The following RORA variants were observed in gnomAD, a reference collection of about 807,000 sequenced individuals.
The protein encoded by RORA is RAR related orphan receptor A, also known as nuclear receptor ROR-alpha.
A neutral mutation model predicts 69.5 loss-of-function variants in RORA; 7 were observed. The ratio of observed to expected loss-of-function variants is 0.10; its 90% confidence interval spans 0.06 to 0.19. The LOEUF (loss-of-function observed/expected upper bound fraction) is 0.19, where lower values mean the gene tolerates loss of function less well. Among genes scored for constraint, RORA ranks in the 10% least tolerant of loss-of-function variants. RORA has a pLI of 1.00. For missense variants in RORA, 457 were observed against 663.0 expected (o/e 0.69, Z 3.41); for synonymous variants, 261 against 240.8 (o/e 1.08, Z -0.78).
intron 2 of RORA, among the ~76,000 whole-genome samples, chr15:60,590,536 A>G (rs753090761): frequency 6.6e-6 from 1 of 152,180 alleles, no homozygotes; most frequent in Non-Finnish European, 1.5e-5. Context: ...AATCAACACA[A>G]AGTATATTAG....
chr15:61,157,667 G>T (rs1487328660), intron 1 of RORA, among the ~76,000 whole-genome samples: 1 of 152,142 alleles, frequency 6.6e-6, no homozygotes, highest in Admixed American at 6.6e-5. Context: ...AAATCTTTGC[G>T]ATTGATTTTA....
At chr15:60,709,684 A>G (rs2071116351) in intron 1 of RORA, among the ~76,000 whole-genome samples, 1 of 151,590 alleles carries the variant, frequency 6.6e-6, no homozygotes, top group South Asian at 2.1e-4. Flanking sequence ...TCACCCCCAT[A>G]TGGGACCATC....
In RORA at chr15:60,488,369, GGTAAT is replaced by G. The variant is rs1295849300; in HGVS notation, c.*9081_*9085del. 2 of 152,088 alleles carry G rather than the reference GGTAAT, an allele frequency of 1.3e-5. No homozygotes were observed. The highest frequency in any genetic ancestry group is 2.4e-5 in the African/African-American group (1 of 41,402). 9.4% of individuals were successfully genotyped at this position (152,088 alleles called of 1,614,324 possible). Reference sequence around the variant, plus strand: ...ATGTGTTCAATGCACTTTTAATAAAGGTAATGTAATATTAAAGGTACAGTTTCTAA... The same window carrying G: ...ATGTGTTCAATGCACTTTTAATAAAGGTAATATTAAAGGTACAGTTTCTAA... On this transcript the variant is annotated 3_prime_UTR_variant, in exon 11 of 11. Coordinates refer to ENST00000335670, the MANE Select transcript of RORA (RefSeq NM_134261.3).
chr15:61,126,540 T>C (rs1051932471), intron 1 of RORA, among the ~76,000 whole-genome samples: 5 of 151,864 alleles, frequency 3.3e-5, no homozygotes, highest in Non-Finnish European at 5.9e-5. Flanking sequence ...GACTACTGTA[T>C]AGGGACAGTG....
Position 60,610,755 on chromosome 15 carries a change from A to C in RORA, c.196+67902T>G, listed in dbSNP as rs893028725. Among the ~76,000 whole-genome samples, 5 of 152,314 alleles carry C rather than the reference A, an allele frequency of 3.3e-5. No individual in the cohort carries two copies. The East Asian group carries it at 9.6e-4, about 29-fold the overall frequency. Reference sequence around the variant, plus strand: ...GAGAGAGAGAAGGAAAAAAAACCCCAAAAACCAAAAGGATCAGAGAGGCTC... The same window carrying C: ...GAGAGAGAGAAGGAAAAAAAACCCCCAAAACCAAAAGGATCAGAGAGGCTC... On this transcript the variant is annotated intron_variant, in intron 2 of 10. Coordinates refer to ENST00000335670, the MANE Select transcript of RORA (RefSeq NM_134261.3).
At chr15:60,826,120 A>G (rs143307552) in intron 1 of RORA, among the ~76,000 whole-genome samples, 5 of 152,314 alleles carry the variant, frequency 3.3e-5, no homozygotes, top group Admixed American at 1.3e-4. Context: ...GGAACACTGG[A>G]TGGGGATGGA....
At chr15:60,581,515 G>A (rs2068194871) in intron 2 of RORA, among the ~76,000 whole-genome samples, 1 of 152,206 alleles carries the variant, frequency 6.6e-6, no homozygotes, top group Non-Finnish European at 1.5e-5. Context: ...GGCTGTGAAT[G>A]CAATGGAGGT....
intron 2 of RORA, among the ~76,000 whole-genome samples, chr15:60,648,219 A>C (rs1438650756): frequency 6.6e-6 from 1 of 152,236 alleles, no homozygotes; most frequent in Non-Finnish European, 1.5e-5. Context: ...ATATACAATA[A>C]ACCACATACC....
At chr15:60,577,314 A>C (rs1240621129) in intron 2 of RORA, among the ~76,000 whole-genome samples, 1 of 152,194 alleles carries the variant, frequency 6.6e-6, no homozygotes, top group Non-Finnish European at 1.5e-5. Context: ...AAGAGCTCTC[A>C]AACTTTTTGG....
chr15:61,116,857 G>A (rs997029576), intron 1 of RORA, among the ~76,000 whole-genome samples: 21 of 152,162 alleles, frequency 1.4e-4, no homozygotes, highest in East Asian at 1.9e-4. Context: ...CTAACTTCTC[G>A]TGTGATCAGT....
chr15:60,500,753 A>G (rs189926343), intron 9 of RORA, among the ~76,000 whole-genome samples: 5 of 152,308 alleles, frequency 3.3e-5, no homozygotes, highest in Non-Finnish European at 7.4e-5. Flanking sequence ...GAAAGGCATG[A>G]GGTTTTCTCA....
intron 2 of RORA, among the ~76,000 whole-genome samples, chr15:60,607,317 G>A (rs1021230372): frequency 4.6e-5 from 7 of 152,152 alleles, no homozygotes; most frequent in African/African-American, 1.7e-4. Flanking sequence ...ACTCTAAGAA[G>A]ACAGGGACTT....
chr15:61,127,068 A>G (rs2079149061), intron 1 of RORA, among the ~76,000 whole-genome samples: 1 of 152,162 alleles, frequency 6.6e-6, no homozygotes, highest in Non-Finnish European at 1.5e-5. Context: ...CCAATTATAA[A>G]TATATTACTA....
intron 1 of RORA, among the ~76,000 whole-genome samples, chr15:61,127,444 C>A (rs2079153081): frequency 6.6e-6 from 1 of 152,196 alleles, no homozygotes; most frequent in South Asian, 2.1e-4. Flanking sequence ...GATGTTCACA[C>A]CTTTTCGGCT....
chr15:60,840,837 G>C (rs958850067), intron 1 of RORA, among the ~76,000 whole-genome samples: 2 of 152,334 alleles, frequency 1.3e-5, no homozygotes, highest in Admixed American at 6.5e-5. Flanking sequence ...CATCCTGCCT[G>C]GCACTGTGGC....
intron 1 of RORA, among the ~76,000 whole-genome samples, chr15:60,789,077 G>T (rs561485656): frequency 2.3e-3 from 349 of 152,314 alleles, no homozygotes; most frequent in Non-Finnish European, 4.1e-3. Flanking sequence ...TGACAGTAAA[G>T]AAGGGTTGGA....
chr15:60,940,635 A>G (rs1002864593), intron 1 of RORA, among the ~76,000 whole-genome samples: 1 of 152,180 alleles, frequency 6.6e-6, no homozygotes, highest in African/African-American at 2.4e-5. Context: ...TTATAACTGG[A>G]TTACATTGTA....
At chr15:60,913,639 CAA>C (rs2140481769) in intron 1 of RORA, among the ~76,000 whole-genome samples, 1 of 152,252 alleles carries the variant, frequency 6.6e-6, no homozygotes, top group African/African-American at 2.4e-5. Flanking sequence ...AATGTTAAAA[CAA>C]AGACAATGCT....
chr15:60,996,491 ATT>A (rs1894541008), intron 1 of RORA, among the ~76,000 whole-genome samples: 1 of 152,222 alleles, frequency 6.6e-6, no homozygotes, highest in African/African-American at 2.4e-5. Flanking sequence ...AAATTAAAGA[ATT>A]TTAGGTCTTT....
Sources: gnomAD v4.1 joint callset for allele counts (sites outside exome capture counted in the v4.1 genomes callset) on GRCh38, gnomAD v4.1.1 for gene constraint, MANE v1.5 for transcripts, NCBI Gene and HGNC (gene_info 2026-07-23, HGNC 2026-07-21) for gene names.